BICC1: variants seen among roughly 807,000 people sequenced by gnomAD.
The protein encoded by BICC1 is BicC family RNA binding protein 1, also known as protein bicaudal C homolog 1.
In BICC1, 43 loss-of-function variants were observed where a neutral mutation model predicts 111.0. The ratio of observed to expected loss-of-function variants is 0.39; its 90% confidence interval spans 0.30 to 0.50. BICC1 has a LOEUF of 0.50. Among genes scored for constraint, BICC1 ranks in the 20% least tolerant of loss-of-function variants. The pLI, the probability that BICC1 is intolerant of heterozygous loss-of-function variation, is 0.88. For missense variants in BICC1, 1,091 were observed against 1,203.2 expected (o/e 0.91, Z 1.38); for synonymous variants, 467 against 434.4 (o/e 1.07, Z -0.93).
intron 2 of BICC1, among the ~76,000 whole-genome samples, chr10:58,674,883 C>T (rs1839292156): frequency 1.3e-5 from 2 of 152,054 alleles, no homozygotes; most frequent in Non-Finnish European, 2.9e-5. Context: ...TGGTTGTGGC[C>T]TGGTTATGGA....
chr10:58,751,984 A>G (rs1295374240), intron 3 of BICC1, among the ~76,000 whole-genome samples: 2 of 152,212 alleles, frequency 1.3e-5, no homozygotes, highest in Non-Finnish European at 2.9e-5. Context: ...CCTTTCTGTT[A>G]TAACCTTCTC....
At chr10:58,596,263 C>T (rs553721513) in intron 1 of BICC1, among the ~76,000 whole-genome samples, 4 of 152,194 alleles carry the variant, frequency 2.6e-5, no homozygotes, top group East Asian at 1.9e-4. Context: ...TCAACATACA[C>T]GAATCAATAA....
intron 2 of BICC1, among the ~76,000 whole-genome samples, chr10:58,688,256 G>T (rs577026523): frequency 6.6e-6 from 1 of 152,028 alleles, no homozygotes; most frequent in Non-Finnish European, 1.5e-5. Context: ...ATTTGGTGCC[G>T]CCACGTCCTG....
In BICC1 at chr10:58,785,046, C is replaced by T; in HGVS notation, c.353C>T (p.Ala118Val). Residue 118 changes from alanine to valine, a missense_variant, in exon 4 of 21, where the codon GCC (alanine) becomes GTC (valine). Ala to Val is a moderately conservative substitution (Grantham distance 64, BLOSUM62 0). Transcript: ENST00000373886. ...GGAAAGAAAGAAGATGTTAAAGAAG[C>T]CAAGGAAATGATCATGTCTGTCTTA... ...VSGKKEDVKE[A>V]KEMIMSVLDT... is the part of the protein sequence containing the mutation. The T allele has an allele frequency of 6.3e-7, 1 of 1,598,206 alleles. No homozygotes were observed. Among genetic ancestry groups the T allele is most frequent in the South Asian group, 1.1e-5 (1 of 88,840 alleles).
intron 12 of BICC1, among the ~76,000 whole-genome samples, chr10:58,799,742 G>C (rs957410113): frequency 2.0e-5 from 3 of 151,980 alleles, no homozygotes; most frequent in Non-Finnish European, 4.4e-5. Context: ...CATGCTGTTT[G>C]GTTTCTGTAG....
intron 1 of BICC1, among the ~76,000 whole-genome samples, chr10:58,552,979 C>T (rs960928921): frequency 6.6e-6 from 1 of 152,022 alleles, no homozygotes; most frequent in Admixed American, 6.6e-5. Context: ...ATTCATCTGC[C>T]TTTGTTGCTA....
chr10:58,643,165 A>G (rs1838173573), intron 2 of BICC1, among the ~76,000 whole-genome samples: 1 of 152,160 alleles, frequency 6.6e-6, no homozygotes, highest in Admixed American at 6.5e-5. Context: ...AAAACTGGGG[A>G]ATTGAAATCC....
intron 2 of BICC1, among the ~76,000 whole-genome samples, chr10:58,622,677 A>G (rs979866090): frequency 6.6e-6 from 1 of 152,198 alleles, no homozygotes; most frequent in African/African-American, 2.4e-5. Flanking sequence ...CCAGCAAAAA[A>G]TCTCTAACTT....
intron 3 of BICC1, among the ~76,000 whole-genome samples, chr10:58,781,041 C>T (rs940182440): frequency 6.6e-6 from 1 of 152,082 alleles, no homozygotes; most frequent in African/African-American, 2.4e-5. Flanking sequence ...ATATGCATTT[C>T]CATTACAGCT....
chr10:58,565,667 T>A (rs79776105), intron 1 of BICC1, among the ~76,000 whole-genome samples: 4,715 of 152,272 alleles, frequency 0.031, 231 homozygotes, highest in African/African-American at 0.11. Flanking sequence ...GCTGTAAAAC[T>A]GATTAGTGTT....
intron 2 of BICC1, among the ~76,000 whole-genome samples, chr10:58,694,627 A>G (rs1040248362): frequency 1.3e-5 from 2 of 152,174 alleles, no homozygotes; most frequent in Non-Finnish European, 1.5e-5. Context: ...GAGTTTAGCA[A>G]GTATAACCCT....
chr10:58,679,604 G>T (rs1045517203), intron 2 of BICC1, among the ~76,000 whole-genome samples: 1 of 152,084 alleles, frequency 6.6e-6, no homozygotes, highest in Non-Finnish European at 1.5e-5. Flanking sequence ...TTGTACCAGA[G>T]GTACAAAGAG....
chr10:58,604,381 A>ATT (rs1011850735), intron 1 of BICC1, among the ~76,000 whole-genome samples: 3 of 152,330 alleles, frequency 2.0e-5, no homozygotes, highest in Non-Finnish European at 4.4e-5. Context: ...AACAAAAAAA[A>ATT]TTAAGCGGCT....
intron 3 of BICC1, among the ~76,000 whole-genome samples, chr10:58,770,352 A>G (rs1473524310): frequency 5.3e-5 from 8 of 152,098 alleles, no homozygotes; most frequent in African/African-American, 1.7e-4. Context: ...ATTGCTTTTC[A>G]TCAAATGTTA....
At chr10:58,724,939 A>C (rs929786934) in intron 3 of BICC1, among the ~76,000 whole-genome samples, 1 of 152,132 alleles carries the variant, frequency 6.6e-6, no homozygotes, top group Non-Finnish European at 1.5e-5. Flanking sequence ...GTGGCTGTCT[A>C]TTCCCTCCCT....
chr10:58,547,064 C>T (rs535440686), intron 1 of BICC1, among the ~76,000 whole-genome samples: 4 of 152,120 alleles, frequency 2.6e-5, no homozygotes, highest in East Asian at 1.9e-4. Context: ...TATAGTACAG[C>T]GAGTCCCCCT....
intron 20 of BICC1, chr10:58,823,610 AGTT>A (rs1197703517): frequency 3.0e-6 from 3 of 985,234 alleles, no homozygotes; most frequent in African/African-American, 1.7e-5. Context: ...TTCATGGCCC[AGTT>A]GTTGTCATGT....
rs1259651609 is a variant in BICC1, at chr10:58,513,030, G to T, written c.-114G>T. 3.9e-6 allele frequency: 3 copies of T among 765,018 alleles called. No homozygotes were observed. Among genetic ancestry groups the T allele is most frequent in the South Asian group, 6.3e-5 (1 of 15,968 alleles). The allele number at this position is 765,018 out of a possible 1,614,324, so 47.4% of individuals were successfully genotyped here. A position where few individuals can be genotyped will look rare whatever the true frequency, so the allele number is the denominator to read the frequency against. On this transcript the variant is annotated 5_prime_UTR_variant, in exon 1 of 21. Transcript: ENST00000373886. ...TTGGCGGTGGCGTCGGCGGCTGCAGGGGGACGAGCTAGCGCCGCGGCGCTG... is the reference window on the plus strand; with the variant it reads ...TTGGCGGTGGCGTCGGCGGCTGCAGTGGGACGAGCTAGCGCCGCGGCGCTG...
intron 1 of BICC1, among the ~76,000 whole-genome samples, chr10:58,566,453 A>G (rs1041047446): frequency 3.9e-5 from 6 of 152,134 alleles, no homozygotes; most frequent in Non-Finnish European, 5.9e-5. Context: ...GAATTTTGCT[A>G]CTATAAACAT....
Sources: gnomAD v4.1 joint callset for allele counts (sites outside exome capture counted in the v4.1 genomes callset) on GRCh38, gnomAD v4.1.1 for gene constraint, MANE v1.5 for transcripts, NCBI Gene and HGNC (gene_info 2026-07-23, HGNC 2026-07-21) for gene names.